The following AUTS2 variants were observed in gnomAD, a reference collection of about 807,000 sequenced individuals.
AUTS2 encodes autism susceptibility gene 2 protein.
Under a neutral mutation model 112.4 loss-of-function variants are expected in AUTS2, and 17 were observed. The ratio of observed to expected loss-of-function variants is 0.15; its 90% CI spans 0.10 to 0.23. The LOEUF is 0.23. Among genes scored for constraint, AUTS2 ranks in the 10% least tolerant of loss-of-function variants. AUTS2 has a pLI of 1.00. For synonymous variants in AUTS2, 751 were observed against 702.7 expected, an observed-to-expected ratio of 1.07 and a Z score of -1.09; for missense variants, 1,510 against 1,701.6, an observed-to-expected ratio of 0.89 and a Z score of 1.98.
At chr7:70,056,425 A>G (rs898388694) in intron 2 of AUTS2, among the ~76,000 whole-genome samples, 1 of 152,072 alleles carries the variant, frequency 6.6e-6, no homozygotes, top group Admixed American at 6.6e-5. Context: ...TACTCCCTCC[A>G]TATCATTCAT....
intron 1 of AUTS2, among the ~76,000 whole-genome samples, chr7:69,803,127 T>C (rs1039412783): frequency 4.6e-5 from 7 of 152,204 alleles, no homozygotes; most frequent in Non-Finnish European, 7.3e-5. Flanking sequence ...CCTCCCACAA[T>C]GGGCAATAAT....
intron 2 of AUTS2, among the ~76,000 whole-genome samples, chr7:69,999,843 G>A (rs1799107299): frequency 6.6e-6 from 1 of 152,158 alleles, no homozygotes; most frequent in South Asian, 2.1e-4. Flanking sequence ...GTGGAAGTGG[G>A]CTTTAGAAAG....
chr7:69,979,760 C>G (rs1190689048), intron 2 of AUTS2, among the ~76,000 whole-genome samples: 1 of 152,218 alleles, frequency 6.6e-6, no homozygotes, highest in Non-Finnish European at 1.5e-5. Flanking sequence ...TCCTTTTCAA[C>G]AGCCTGTAAT....
chr7:69,615,495 A>G (rs532278524), intron 1 of AUTS2, among the ~76,000 whole-genome samples: 9 of 151,708 alleles, frequency 5.9e-5, no homozygotes, highest in Admixed American at 4.6e-4. Context: ...TAGAGACAGG[A>G]TTTCTCCATG....
intron 4 of AUTS2, among the ~76,000 whole-genome samples, chr7:70,342,836 G>A (rs900168364): frequency 6.6e-6 from 1 of 152,118 alleles, no homozygotes; most frequent in Admixed American, 6.5e-5. Flanking sequence ...GTGCTGTCTG[G>A]AGTTTGACAC....
intron 6 of AUTS2, among the ~76,000 whole-genome samples, chr7:70,729,395 C>A (rs1787229934): frequency 6.6e-6 from 1 of 152,228 alleles, no homozygotes; most frequent in African/African-American, 2.4e-5. Context: ...TCCCACACTT[C>A]ATGATGCCCA....
Position 70,214,519 on chromosome 7 carries a change from T to G in AUTS2, c.660+79948T>G, listed in dbSNP as rs147004703. 1.6e-4 allele frequency among the ~76,000 whole-genome samples: 25 copies of G among 152,342 alleles called. No individual in the cohort carries two copies. The East Asian group carries it at 4.4e-3, about 27-fold the overall frequency. Reference sequence around the variant, plus strand: ...TCAGTCACACACATACAGATGCCAATAATTTTTTCCAGTATGTCAGGCATA... The same window carrying G: ...TCAGTCACACACATACAGATGCCAAGAATTTTTTCCAGTATGTCAGGCATA... On this transcript the variant is annotated intron_variant, in intron 4 of 18. Coordinates refer to ENST00000342771, the MANE Select transcript of AUTS2 (RefSeq NM_015570.4).
chr7:70,076,454 A>C (rs998924410), intron 2 of AUTS2, among the ~76,000 whole-genome samples: 2 of 152,226 alleles, frequency 1.3e-5, no homozygotes, highest in Non-Finnish European at 2.9e-5. Flanking sequence ...TTTAATTTAA[A>C]GTTGCAGTTT....
At chr7:70,487,160 G>A (rs1388156977) in intron 5 of AUTS2, among the ~76,000 whole-genome samples, 3 of 152,082 alleles carry the variant, frequency 2.0e-5, no homozygotes, top group East Asian at 3.9e-4. Context: ...GTTGTGAAAT[G>A]TTCTTGAGTG....
At chr7:70,620,341 C>T (rs767445971) in intron 5 of AUTS2, among the ~76,000 whole-genome samples, 14 of 152,286 alleles carry the variant, frequency 9.2e-5, no homozygotes, top group Non-Finnish European at 1.6e-4. Context: ...GCACACAGCT[C>T]CTTTCGTAAA....
At chr7:69,839,556 G>A (rs1791879777) in intron 1 of AUTS2, among the ~76,000 whole-genome samples, 1 of 152,110 alleles carries the variant, frequency 6.6e-6, no homozygotes, top group African/African-American at 2.4e-5. Context: ...TGGTCTAGTT[G>A]GGGTTGTAGA....
chr7:70,204,641 GTTAA>G (rs887302588), intron 4 of AUTS2, among the ~76,000 whole-genome samples: 8 of 152,086 alleles, frequency 5.3e-5, no homozygotes, highest in African/African-American at 1.9e-4. Flanking sequence ...ATTCCTGTAA[GTTAA>G]TTGTTTTTCC....
chr7:70,245,173 A>AAAT lies in AUTS2; in HGVS notation c.660+110605_660+110607dup, dbSNP rs1554346292. On this transcript the variant is annotated intron_variant, in intron 4 of 18. Transcript: ENST00000342771. The stretch of plus-strand genomic sequence containing the variant: ...ATATATATATATATATATATATAAA[A>AAAT]AATAAAAAATAAACAAAAATTAAAA... Among the ~76,000 whole-genome samples the AAAT allele has an allele frequency of 5.4e-3, 658 of 122,742 alleles. 5 individuals are homozygous for AAAT. Among genetic ancestry groups the AAAT allele is most frequent in the South Asian group, 0.015 (59 of 3,840 alleles). 80.5% of individuals were successfully genotyped at this position (122,742 alleles called of 152,430 possible).
chr7:70,251,803 A>G (rs1786616704), intron 4 of AUTS2, among the ~76,000 whole-genome samples: 1 of 152,068 alleles, frequency 6.6e-6, no homozygotes, highest in South Asian at 2.1e-4. Flanking sequence ...TTTTAAATTT[A>G]ACTTTTTATT....
chr7:69,756,125 TG>T (rs1254235285), intron 1 of AUTS2, among the ~76,000 whole-genome samples: 3 of 152,198 alleles, frequency 2.0e-5, no homozygotes, highest in African/African-American at 7.2e-5. Flanking sequence ...ATTGCAACCC[TG>T]TGTAATAGTC....
Position 69,775,100 on chromosome 7 carries a change from C to T in AUTS2, c.310-124186C>T, listed in dbSNP as rs189759091. Among the ~76,000 whole-genome samples the T allele has an allele frequency of 2.6e-5, 4 of 152,244 alleles. No individual in the cohort carries two copies. The East Asian group carries it at 7.7e-4, about 29-fold the overall frequency. On this transcript the variant is annotated intron_variant, in intron 1 of 18. Transcript: ENST00000342771. ...TTGGGTAGTGTTGTGAAGAATATTA[C>T]ATGGTATCCTTAGAAGCTGTAAATT...
At chr7:69,827,459 C>A (rs60166266) in intron 1 of AUTS2, among the ~76,000 whole-genome samples, 5,201 of 151,168 alleles carry the variant, frequency 0.034, 101 homozygotes, top group East Asian at 0.054. Context: ...GAAAAAAAAA[C>A]CCCTAAAAAA....
At chr7:69,628,538 T>C (rs1794070554) in intron 1 of AUTS2, among the ~76,000 whole-genome samples, 1 of 152,138 alleles carries the variant, frequency 6.6e-6, no homozygotes, top group African/African-American at 2.4e-5. Flanking sequence ...CTGGGTAATT[T>C]TATAAAGAAA....
At chr7:70,776,999 A>G in intron 13 of AUTS2, 104 bp from the exon 14 acceptor site, 1 of 1,099,658 alleles carries the variant, frequency 9.1e-7, no homozygotes, top group Non-Finnish European at 1.4e-6. Flanking sequence ...TTGTTTCACG[A>G]AAAAAGCCTC....
Sources: allele counts gnomAD v4.1 joint callset (sites outside exome capture counted in the v4.1 genomes callset), GRCh38; gene constraint gnomAD v4.1.1; transcripts MANE v1.5; gene names NCBI Gene and HGNC (gene_info 2026-07-23, HGNC 2026-07-21).